NEB: variants seen among roughly 807,000 people sequenced by gnomAD.
NEB encodes nemaline myopathy type 2.
Under a neutral mutation model 952.2 loss-of-function variants are expected in NEB, and 512 were observed. The ratio of observed to expected loss-of-function variants is 0.54; its 90% CI spans 0.50 to 0.58. The LOEUF (loss-of-function observed/expected upper bound fraction) is 0.58. Ranked by LOEUF, NEB falls within the 20% of genes least tolerant of loss-of-function variation. NEB has a pLI of 0.00. For missense variants in NEB, 8,428 were observed against 9,231.1 expected, an observed-to-expected ratio of 0.91 and a Z score of 3.56; for synonymous variants, 2,900 against 3,149.8, an observed-to-expected ratio of 0.92 and a Z score of 2.66.
At chr2:151,572,888 A>G (rs950743253) in intron 107 of NEB, among the ~76,000 whole-genome samples, 1 of 151,016 alleles carries the variant, frequency 6.6e-6, no homozygotes, top group African/African-American at 2.4e-5. Flanking sequence ...AAAAAAAAAA[A>G]GCCCGGGGCC....
intron 124 of NEB, among the ~76,000 whole-genome samples, chr2:151,555,641 C>T (rs1037525912): frequency 2.6e-5 from 4 of 152,080 alleles, no homozygotes; most frequent in Non-Finnish European, 5.9e-5. Flanking sequence ...GACTAAGATC[C>T]AATCTCATAG....
At position 151,553,494 on chromosome 2, in the gene NEB, G is replaced by A; in HGVS notation, c.19635C>T (p.Tyr6545=). 1 of 1,609,132 alleles carries A rather than the reference G, an allele frequency of 6.2e-7. No individual in the cohort carries two copies. The highest frequency in any genetic ancestry group is 8.5e-7 in the Non-Finnish European group (1 of 1,175,828). ...CTTTCAGCCAGTTGAGGTCATCCTT[G>A]TATACAATCTAGAGGGTTTTGATAG... ...KVTDQISDIV[Y]KDDLNWLKGI... is the part of the protein sequence containing the mutation. Residue 6545 remains tyrosine, a synonymous_variant, in exon 127 of 182, where the codon TAC becomes TAT. Transcript: ENST00000397345.
In NEB at chr2:151,537,983, T is replaced by G. The variant is rs1408680616; in HGVS notation, c.20998-7A>C. The G allele has an allele frequency of 1.9e-6, 3 of 1,607,122 alleles. No individual in the cohort carries two copies. The highest frequency in any genetic ancestry group is 2.6e-6 in the Non-Finnish European group (3 of 1,174,416). ...AGTTCTCCTTGTATTTTATCTGTTA[T>G]AAAAAACACAAAGACAGCTGTAAGT... On this transcript the variant is annotated splice_region_variant and splice_polypyrimidine_tract_variant and intron_variant, in intron 139 of 181. Coordinates refer to ENST00000397345, the MANE Select transcript of NEB (RefSeq NM_001164508.2).
chr2:151,494,088 A>G, intron 174 of NEB, 73 bp downstream of exon 174: 3 of 1,265,954 alleles, frequency 2.4e-6, no homozygotes, highest in South Asian at 1.3e-5. Flanking sequence ...AACCTGGGAC[A>G]GGGTTAGGAG....
chr2:151,567,526 A>G (rs2096457638), intron 113 of NEB, 47 bp from the exon 114 acceptor site: 8 of 1,516,034 alleles, frequency 5.3e-6, no homozygotes, highest in African/African-American at 1.4e-5. Flanking sequence ...ACAAGCACAC[A>G]AGGCAGAGGG....
At chr2:151,558,457 T>G (rs2095809307) in intron 124 of NEB, among the ~76,000 whole-genome samples, 1 of 152,158 alleles carries the variant, frequency 6.6e-6, no homozygotes, top group African/African-American at 2.4e-5. Context: ...AATCTATAGA[T>G]TCAATGCTAT....
In NEB at chr2:151,503,399, C is replaced by A. The variant is rs2066260949; in HGVS notation, c.23785G>T (p.Val7929Leu). The A allele has an allele frequency of 6.2e-7, 1 of 1,612,896 alleles. No individual in the cohort carries two copies. The highest frequency in any genetic ancestry group is 2.2e-5 in the East Asian group (1 of 44,830). The change falls in exon 166 of 182, where the codon GTG (valine) becomes TTG (leucine). Residue 7929 changes from valine (V) to leucine (L), a missense_variant. Val to Leu is a conservative substitution (Grantham distance 32, BLOSUM62 1). Around this residue, in one of 11 missense-constraint regions of NEB, gnomAD observed 3,374 missense variants for 3,651.5 expected, o/e 0.92. Coordinates refer to ENST00000397345, the MANE Select transcript of NEB (RefSeq NM_001164508.2). ...ENLGTGIPTT[V>L]TPEIERVKRN... ...TTGACTCTCTCAATCTCTGGAGTCA[C>A]AGTGGTTGGAATGCCTGTTCCCAAG...
chr2:151,564,494 T>C (rs1348788979), intron 117 of NEB, among the ~76,000 whole-genome samples: 1 of 152,170 alleles, frequency 6.6e-6, no homozygotes, highest in Admixed American at 6.6e-5. Flanking sequence ...TTTGCGGTCC[T>C]AGTAAAAGTG....
intron 40 of NEB, 40 bp downstream of exon 40, chr2:151,667,764 C>A (rs747430602): frequency 6.5e-6 from 10 of 1,548,814 alleles, no homozygotes; most frequent in Non-Finnish European, 8.9e-6. Context: ...CTCCTGAAGT[C>A]TTTTAGATAG....
At chr2:151,649,611 C>T (rs11900834) in intron 54 of NEB, among the ~76,000 whole-genome samples, 1,784 of 152,108 alleles carry the variant, frequency 0.012, 38 homozygotes, top group African/African-American at 0.041. Context: ...AATTACTCCA[C>T]CCTGCTATAT....
intron 13 of NEB, among the ~76,000 whole-genome samples, chr2:151,702,139 G>C (rs1198977027): frequency 2.0e-5 from 3 of 146,742 alleles, no homozygotes; most frequent in African/African-American, 7.5e-5. Flanking sequence ...TAGTCATTCA[G>C]GAGCAGGTTG....
intron 78 of NEB, 122 bp downstream of exon 78, chr2:151,612,064 C>T (rs189243890): frequency 1.1e-5 from 11 of 1,007,410 alleles, no homozygotes; most frequent in East Asian, 5.1e-5. Context: ...CTGTTAAAGG[C>T]CTGCATGAGA....
chr2:151,684,217 T>C (rs966363755), intron 28 of NEB, among the ~76,000 whole-genome samples: 1 of 152,220 alleles, frequency 6.6e-6, no homozygotes. Context: ...TTATGTTATA[T>C]GTATTTTGTC....
At chr2:151,549,564 A>G in intron 130 of NEB, 72 bp downstream of exon 130, 1 of 952,868 alleles carries the variant, frequency 1.0e-6, no homozygotes, top group Non-Finnish European at 1.7e-6. Flanking sequence ...GGATTAGAAC[A>G]GGCTATTAAT....
rs374142869 is a variant in NEB, at chr2:151,519,788, T to G, written c.22480-20A>C. ...TTTAACCTAACAGCAAATGCAAACA[T>G]CCAAATTATTCCTGGACATCAATCA... On this transcript the variant is annotated intron_variant, in intron 153 of 181. Coordinates refer to ENST00000397345, the MANE Select transcript of NEB (RefSeq NM_001164508.2). 1 of 1,467,292 alleles carries G rather than the reference T, an allele frequency of 6.8e-7. No individual in the cohort carries two copies. Among genetic ancestry groups the G allele is most frequent in the Non-Finnish European group, 9.5e-7 (1 of 1,047,244 alleles). 90.9% of individuals were successfully genotyped at this position (1,467,292 alleles called of 1,614,324 possible). A position where few individuals can be genotyped will look rare whatever the true frequency, so the allele number is the denominator to read the frequency against.
intron 24 of NEB, 148 bp from the exon 25 acceptor site, chr2:151,688,544 C>T: frequency 1.5e-6 from 1 of 664,178 alleles, no homozygotes; most frequent in Non-Finnish European, 2.7e-6. Flanking sequence ...AGGATTCAAA[C>T]TTTCATCCCC....
Position 151,516,164 on chromosome 2 carries a change from A to G in NEB, c.22905+295T>C, listed in dbSNP as rs528297791. ...TGTGGAGGGAACTTTTCATTCATAA[A>G]GGAAAATCCAAATTACATTCAGTAT... is the stretch of plus-strand genomic sequence containing the variant. On this transcript the variant is annotated intron_variant, in intron 157 of 181. Transcript: ENST00000397345. Among the ~76,000 whole-genome samples, 7 of 152,334 alleles carry G rather than the reference A, an allele frequency of 4.6e-5. No homozygotes were observed. In the South Asian group the frequency reaches 1.4e-3, roughly 32 times the overall value.
chr2:151,489,950 A>C, intron 181 of NEB, 21 bp downstream of exon 181: 2 of 1,513,374 alleles, frequency 1.3e-6, no homozygotes, highest in South Asian at 2.2e-5. Context: ...AATTTATTTA[A>C]GTGAGTTGTT....
chr2:151,724,860 A>G lies in NEB; in HGVS notation c.504T>C (p.Ser168=). 2 of 1,612,576 alleles carry G rather than the reference A, an allele frequency of 1.2e-6. No homozygotes were observed. The highest frequency in any genetic ancestry group is 1.7e-6 in the Non-Finnish European group (2 of 1,179,020). ...EHAKKVSQQV[S]KVLYKQNWED... ...GCCATCCATATCATTGCCTTACCTT[A>G]CTGACTTGCTGCGACACTTTCTTTG... Residue 168 remains serine, a synonymous_variant, in exon 7 of 182, where the codon AGT becomes AGC. Transcript: ENST00000397345.
Sources: gnomAD v4.1 joint callset for allele counts (sites outside exome capture counted in the v4.1 genomes callset) on GRCh38, gnomAD v4.1.1 for gene constraint, gnomAD v4.1.1 regional missense constraint, MANE v1.5 for transcripts, NCBI Gene and HGNC (gene_info 2026-07-23, HGNC 2026-07-21) for gene names.